FAM228B: variants seen among roughly 807,000 people sequenced by gnomAD.
FAM228B encodes the protein protein FAM228B.
A neutral mutation model predicts 42.6 loss-of-function variants in FAM228B; 38 were observed. The observed-to-expected ratio is 0.89, with a 90% CI of 0.69 to 1.17. The LOEUF is 1.17. FAM228B is among the 50% of genes most tolerant of loss of function. The pLI, the probability that FAM228B is intolerant of heterozygous loss-of-function variation, is 0.00. For missense variants in FAM228B, 344 were observed against 367.3 expected (o/e 0.94, Z 0.52); for synonymous variants, 109 against 122.3 (o/e 0.89, Z 0.72).
intron 5 of FAM228B, among the ~76,000 whole-genome samples, chr2:24,143,627 AG>A (rs1666817375): frequency 6.6e-6 from 1 of 152,244 alleles, no homozygotes; most frequent in East Asian, 1.9e-4. Context: ...CAAGACATAA[AG>A]AAGTTTACAA....
At chr2:24,078,077 C>G (rs1279183825) in intron 1 of FAM228B, among the ~76,000 whole-genome samples, 2 of 152,068 alleles carry the variant, frequency 1.3e-5, no homozygotes, top group African/African-American at 4.8e-5. Context: ...GGTACCCTCC[C>G]CATACTAGGG....
At position 24,077,655 on chromosome 2, in the gene FAM228B, G is replaced by A. The variant is rs772369233; in HGVS notation, c.-290+686G>A. ...GTACTTATGGGCCTCCTGGATTTCG[G>A]TCACTGGGTAGATTCTGTCCAGAAC... On this transcript the variant is annotated intron_variant, in intron 1 of 10. Coordinates refer to the FAM228B transcript ENST00000613899. This position sits in a 1 kb window ranked among gnomAD's most constrained non-coding sequence, Gnocchi z 5.5. 2 of 1,613,986 alleles carry A rather than the reference G, an allele frequency of 1.2e-6. No homozygotes were observed. The highest frequency in any genetic ancestry group is 1.7e-6 in the Non-Finnish European group (2 of 1,180,010).
chr2:24,082,185 A>G (rs1211147848), intron 2 of FAM228B, among the ~76,000 whole-genome samples: 1 of 152,142 alleles, frequency 6.6e-6, no homozygotes, highest in East Asian at 1.9e-4. Flanking sequence ...TTGTAGAAAC[A>G]GGGTTTCGCC....
At chr2:24,139,572 C>A in intron 5 of FAM228B, 122 bp downstream of exon 5, 1 of 478,034 alleles carries the variant, frequency 2.1e-6, no homozygotes, top group Non-Finnish European at 3.7e-6. Context: ...AGCATAGTTT[C>A]CCATCGCCTG....
intron 7 of FAM228B, among the ~76,000 whole-genome samples, chr2:24,159,516 T>G (rs931742100): frequency 1.3e-5 from 2 of 152,216 alleles, no homozygotes; most frequent in African/African-American, 4.8e-5. Flanking sequence ...CACTCAATGC[T>G]TTGTTTTATA....
chr2:24,136,783 A>C (rs918930062), intron 3 of FAM228B, among the ~76,000 whole-genome samples: 1 of 152,192 alleles, frequency 6.6e-6, no homozygotes. Flanking sequence ...CACAATATAA[A>C]ATTTGCCATT....
intron 3 of FAM228B, among the ~76,000 whole-genome samples, chr2:24,103,587 G>T (rs1305519651): frequency 2.0e-5 from 3 of 152,200 alleles, no homozygotes; most frequent in Admixed American, 2.0e-4. Flanking sequence ...ATGCTCTACA[G>T]AGGAGGCTCC....
intron 7 of FAM228B, among the ~76,000 whole-genome samples, chr2:24,155,766 C>G (rs1176711545): frequency 1.3e-5 from 2 of 151,864 alleles, no homozygotes; most frequent in African/African-American, 4.8e-5. Flanking sequence ...GTCTCGAACT[C>G]CTGACCTCAG....
chr2:24,162,401 G>A (rs1667306768), intron 8 of FAM228B, among the ~76,000 whole-genome samples: 1 of 152,188 alleles, frequency 6.6e-6, no homozygotes, highest in African/African-American at 2.4e-5. Flanking sequence ...AGAATTAAGA[G>A]ATTTCTCTAC....
chr2:24,077,447 T>C lies in FAM228B; in HGVS notation c.-290+478T>C. The C allele has an allele frequency of 2.7e-6, 3 of 1,126,852 alleles. No individual in the cohort carries two copies. The highest frequency in any genetic ancestry group is 3.6e-6 in the Non-Finnish European group (3 of 835,522). 69.8% of individuals were successfully genotyped at this position (1,126,852 alleles called of 1,614,324 possible). Reference sequence around the variant, plus strand: ...GCGTGCCACCCTTCCAGTTCACTCTTTATTTCCTCATATCAGCTTTAAACG... The same window carrying C: ...GCGTGCCACCCTTCCAGTTCACTCTCTATTTCCTCATATCAGCTTTAAACG... On this transcript the variant is annotated intron_variant, in intron 1 of 10. Coordinates refer to the FAM228B transcript ENST00000613899. This position sits in a 1 kb window ranked among gnomAD's most constrained non-coding sequence, Gnocchi z 5.5.
At chr2:24,083,983 CG>C (rs1573723385) in intron 2 of FAM228B, among the ~76,000 whole-genome samples, 1 of 152,172 alleles carries the variant, frequency 6.6e-6, no homozygotes, top group Non-Finnish European at 1.5e-5. Context: ...TGGATTAGCT[CG>C]GGGTGGATTC....
At chr2:24,122,340 AG>A, upstream of FAM228B, 2 of 1,080,200 alleles carry the variant, frequency 1.9e-6, no homozygotes, top group South Asian at 1.3e-5. Context: ...AAAAAAAAAA[AG>A]TCATGTCTGC....
intron 5 of FAM228B, among the ~76,000 whole-genome samples, chr2:24,143,210 T>G: frequency 6.6e-6 from 1 of 152,154 alleles, no homozygotes; most frequent in Non-Finnish European, 1.5e-5. Context: ...AGACAGAGTC[T>G]CGCTCTGTCA....
At chr2:24,142,371 T>G (rs1317764904) in intron 5 of FAM228B, 1 of 152,246 alleles carries the variant, frequency 6.6e-6, no homozygotes, top group Non-Finnish European at 1.5e-5. Context: ...TTTAGGAACA[T>G]AGAGGCTTGA....
rs1436247905 is a variant in FAM228B, at chr2:24,095,150, TAAC to T, written c.-196_-194del. The T allele has an allele frequency of 1.3e-5, 2 of 152,250 alleles. No individual in the cohort carries two copies. Among genetic ancestry groups the T allele is most frequent in the Non-Finnish European group, 1.5e-5 (1 of 68,088 alleles). The allele number at this position is 152,250 out of a possible 1,614,324, so 9.4% of individuals were successfully genotyped here. A position where few individuals can be genotyped will look rare whatever the true frequency, so the allele number is the denominator to read the frequency against. On this transcript the variant is annotated 5_prime_UTR_variant, in exon 3 of 11. Coordinates refer to the FAM228B transcript ENST00000613899. The surrounding 1 kb of genome is among the most constrained non-coding windows in gnomAD (Gnocchi z 4.8). ...AACTCTTCTTTAACAGTTAAAAGTT[TAAC>T]AACCGGAACAGCTCCAGTCTGCAGC...
chr2:24,156,929 G>A (rs1000396426), intron 7 of FAM228B, among the ~76,000 whole-genome samples: 4 of 152,060 alleles, frequency 2.6e-5, no homozygotes. Context: ...GTAAGGTGTG[G>A]ACTTAGATTG....
intron 7 of FAM228B, among the ~76,000 whole-genome samples, chr2:24,152,367 C>G (rs963024237): frequency 6.6e-6 from 1 of 152,116 alleles, no homozygotes; most frequent in African/African-American, 2.4e-5. Context: ...TCTATATTTT[C>G]CTGGATGGTG....
chr2:24,090,902 T>G (rs1665376465), intron 2 of FAM228B, among the ~76,000 whole-genome samples: 1 of 152,172 alleles, frequency 6.6e-6, no homozygotes, highest in South Asian at 2.1e-4. Flanking sequence ...ACCTCCCACC[T>G]CAGCCTCCTC....
At chr2:24,167,292 T>G (rs895196834) in intron 9 of FAM228B, among the ~76,000 whole-genome samples, 3 of 152,016 alleles carry the variant, frequency 2.0e-5, no homozygotes, top group Non-Finnish European at 4.4e-5. Context: ...CGGAGGGGCC[T>G]GGGTGGATTG....
Sources: allele counts gnomAD v4.1 joint callset (sites outside exome capture counted in the v4.1 genomes callset), GRCh38; gene constraint gnomAD v4.1.1; non-coding constraint Gnocchi (gnomAD v3.1); transcripts MANE v1.5; gene names NCBI Gene and HGNC (gene_info 2026-07-23, HGNC 2026-07-21).